The following FHIT variants were observed in gnomAD, a reference collection of about 807,000 sequenced individuals.
FHIT encodes the protein bis(5'-adenosyl)-triphosphatase.
Under a neutral mutation model 17.9 loss-of-function variants are expected in FHIT, and 19 were observed. That is an observed-to-expected ratio of 1.06 (90% CI 0.74 to 1.56). The LOEUF (loss-of-function observed/expected upper bound fraction) is 1.56. Ranked by LOEUF, FHIT falls within the 40% of genes most tolerant of loss-of-function variation. The pLI, the probability that FHIT is intolerant of heterozygous loss-of-function variation, is 0.00. For missense variants in FHIT, 248 were observed against 189.2 expected, an observed-to-expected ratio of 1.31 and a Z score of -1.82; for synonymous variants, 81 against 69.7, an observed-to-expected ratio of 1.16 and a Z score of -0.81.
chr3:59,821,053 T>C (rs1327909416), intron 8 of FHIT, among the ~76,000 whole-genome samples: 1 of 152,082 alleles, frequency 6.6e-6, no homozygotes, highest in East Asian at 1.9e-4. Context: ...CAGGAAGCAG[T>C]TGGAAATATG....
chr3:60,210,941 T>G (rs1703422190), intron 5 of FHIT, among the ~76,000 whole-genome samples: 1 of 152,164 alleles, frequency 6.6e-6, no homozygotes, highest in South Asian at 2.1e-4. Context: ...AATATATGTT[T>G]GCACAAAGCA....
At chr3:60,663,065 T>A (rs1390897433) in intron 4 of FHIT, among the ~76,000 whole-genome samples, 5 of 147,416 alleles carry the variant, frequency 3.4e-5, no homozygotes, top group African/African-American at 1.2e-4. Context: ...TATTTCTGGG[T>A]CCTCTATTCT....
At chr3:60,062,255 GATGAGGAGATGCTGAAACA>G (rs1045051497) in intron 5 of FHIT, among the ~76,000 whole-genome samples, 39 of 152,098 alleles carry the variant, frequency 2.6e-4, no homozygotes, top group Non-Finnish European at 2.6e-4. Flanking sequence ...ATGGAGTTGA[GATGAGGAGATGCTGAAACA>G]ATGAATGAGA....
At chr3:60,122,498 G>A (rs1020597545) in intron 5 of FHIT, among the ~76,000 whole-genome samples, 3 of 152,154 alleles carry the variant, frequency 2.0e-5, no homozygotes, top group African/African-American at 7.2e-5. Context: ...GGAGGTGGTG[G>A]TAAAAATCTA....
intron 3 of FHIT, among the ~76,000 whole-genome samples, chr3:60,996,101 A>G (rs987406648): frequency 6.6e-6 from 1 of 152,224 alleles, no homozygotes; most frequent in Non-Finnish European, 1.5e-5. Context: ...GAATGTAATC[A>G]TTCCAAGCAC....
chr3:60,388,976 G>T (rs891189834), intron 5 of FHIT, among the ~76,000 whole-genome samples: 1 of 152,144 alleles, frequency 6.6e-6, no homozygotes, highest in Non-Finnish European at 1.5e-5. Flanking sequence ...TGTCCCTCCA[G>T]CACCACCCTG....
chr3:60,591,100 C>T (rs1006095740), intron 4 of FHIT, among the ~76,000 whole-genome samples: 1 of 151,920 alleles, frequency 6.6e-6, no homozygotes, highest in Non-Finnish European at 1.5e-5. Context: ...TCATAAAATC[C>T]CTAAAGAACT....
At chr3:61,198,371 G>A (rs2038913012) in intron 2 of FHIT, among the ~76,000 whole-genome samples, 1 of 152,134 alleles carries the variant, frequency 6.6e-6, no homozygotes, top group African/African-American at 2.4e-5. Flanking sequence ...TCCAAAGAAG[G>A]AGCATTTACT....
At chr3:59,826,647 C>T (rs1054200661) in intron 8 of FHIT, among the ~76,000 whole-genome samples, 2 of 152,220 alleles carry the variant, frequency 1.3e-5, no homozygotes, top group East Asian at 1.9e-4. Context: ...ACAATGTGCG[C>T]GAGTGCGCGC....
chr3:60,045,450 T>A (rs1385863395), intron 5 of FHIT, among the ~76,000 whole-genome samples: 1 of 152,032 alleles, frequency 6.6e-6, no homozygotes, highest in East Asian at 1.9e-4. Context: ...CTTATGAGAC[T>A]CACCCACCAT....
At chr3:60,479,557 G>A (rs903987352) in intron 5 of FHIT, among the ~76,000 whole-genome samples, 1 of 152,162 alleles carries the variant, frequency 6.6e-6, no homozygotes, top group African/African-American at 2.4e-5. Context: ...AACCTGTGCT[G>A]CCAGTCATAT....
chr3:61,229,832 T>C (rs2040055501), intron 1 of FHIT, among the ~76,000 whole-genome samples: 2 of 152,200 alleles, frequency 1.3e-5, no homozygotes, highest in East Asian at 1.9e-4. Flanking sequence ...GGTAAATATA[T>C]GTAGAGACCA....
chr3:60,852,724 TG>T (rs1171311408), intron 3 of FHIT, among the ~76,000 whole-genome samples: 1 of 152,006 alleles, frequency 6.6e-6, no homozygotes, highest in African/African-American at 2.4e-5. Flanking sequence ...AAGGCAGTCT[TG>T]AAAAAAAGAA....
At chr3:61,235,812 GT>G (rs930947707) in intron 1 of FHIT, among the ~76,000 whole-genome samples, 2 of 152,150 alleles carry the variant, frequency 1.3e-5, no homozygotes, top group African/African-American at 4.8e-5. Context: ...AAAATGTTGG[GT>G]TTTTTTAGAC....
intron 3 of FHIT, among the ~76,000 whole-genome samples, chr3:61,001,255 A>G (rs1451812219): frequency 6.6e-6 from 1 of 152,212 alleles, no homozygotes; most frequent in East Asian, 1.9e-4. Context: ...TCAGCTGTTC[A>G]TTTTAAAACA....
chr3:60,528,246 C>T (rs1241739850), intron 5 of FHIT, among the ~76,000 whole-genome samples: 4 of 152,170 alleles, frequency 2.6e-5, no homozygotes. Flanking sequence ...TCTGGGATTA[C>T]AGGTGTGCAC....
chr3:60,674,853 G>A (rs1304915299), intron 4 of FHIT, among the ~76,000 whole-genome samples: 2 of 152,106 alleles, frequency 1.3e-5, no homozygotes. Flanking sequence ...CAATCCTTCA[G>A]ACAATGACCT....
At chr3:60,628,418 A>C (rs986348811) in intron 4 of FHIT, among the ~76,000 whole-genome samples, 1 of 151,950 alleles carries the variant, frequency 6.6e-6, no homozygotes, top group African/African-American at 2.4e-5. Context: ...TGAAGGTTTT[A>C]TCTCTTTCTC....
chr3:60,410,531 T>G (rs1481706151), intron 5 of FHIT, among the ~76,000 whole-genome samples: 1 of 152,206 alleles, frequency 6.6e-6, no homozygotes, highest in Non-Finnish European at 1.5e-5. Context: ...TTCCAAAGTA[T>G]TCACAGCATT....
Sources: gnomAD v4.1 joint callset for allele counts (sites outside exome capture counted in the v4.1 genomes callset) on GRCh38, gnomAD v4.1.1 for gene constraint, MANE v1.5 for transcripts, NCBI Gene and HGNC (gene_info 2026-07-23, HGNC 2026-07-21) for gene names.